KIF14: variants seen among roughly 807,000 people sequenced by gnomAD.
KIF14 encodes the protein kinesin family member 14.
In KIF14, 98 loss-of-function variants were observed where a neutral mutation model predicts 176.2. The observed-to-expected ratio is 0.56, with a 90% CI of 0.47 to 0.66. The LOEUF (loss-of-function observed/expected upper bound fraction) is 0.66. Ranked by LOEUF, KIF14 falls within the 30% of genes least tolerant of loss-of-function variation. The pLI is 0.00. For missense variants in KIF14, 1,751 were observed against 1,920.4 expected (o/e 0.91, Z 1.65); for synonymous variants, 566 against 632.2 (o/e 0.90, Z 1.57).
chr1:200,615,354 C>T lies in KIF14; in HGVS notation c.1367+1G>A, dbSNP rs1288356635. The T allele has an allele frequency of 3.1e-6, 5 of 1,608,108 alleles. No individual in the cohort carries two copies. Among genetic ancestry groups the T allele is most frequent in the Middle Eastern group, 1.7e-4 (1 of 6,034 alleles). ...ATAATTGCATTTCCAATACAACTTACGTATATGATTTTCCAGAGCCAGTCT... is the reference window on the plus strand; with the variant it reads ...ATAATTGCATTTCCAATACAACTTATGTATATGATTTTCCAGAGCCAGTCT... On this transcript the variant is annotated splice_donor_variant, in intron 3 of 29. Transcript: ENST00000367350. LOFTEE classifies it high-confidence loss of function.
At chr1:200,584,955 A>G (rs1658656298) in intron 19 of KIF14, among the ~76,000 whole-genome samples, 2 of 152,236 alleles carry the variant, frequency 1.3e-5, no homozygotes, top group African/African-American at 4.8e-5. Context: ...AACTCTAATA[A>G]CACCACCAAA....
chr1:200,587,406 G>A (rs1234767943), intron 18 of KIF14, among the ~76,000 whole-genome samples: 1 of 134,768 alleles, frequency 7.4e-6, no homozygotes, highest in Non-Finnish European at 1.6e-5. Flanking sequence ...AGGACAAACT[G>A]TTAAAAAAAA....
chr1:200,603,470 A>T, intron 9 of KIF14, 129 bp from the exon 10 acceptor site: 3 of 593,678 alleles, frequency 5.1e-6, no homozygotes, highest in Non-Finnish European at 6.0e-6. Context: ...TTTTTGAGAC[A>T]GAGTCTCACT....
At position 200,618,857 on chromosome 1, in the gene KIF14, A is replaced by T. The variant is rs1247441012; in HGVS notation, c.-115-19T>A. On this transcript the variant is annotated intron_variant, in intron 1 of 29. Coordinates refer to ENST00000367350, the MANE Select transcript of KIF14 (RefSeq NM_014875.3). Reference sequence around the variant, plus strand: ...TGCTAAACTAAAAGAAAAAAAAAAGATTTAGATCACACAGACTACAAACAA... The same window carrying T: ...TGCTAAACTAAAAGAAAAAAAAAAGTTTTAGATCACACAGACTACAAACAA... 1 of 697,274 alleles carries T rather than the reference A, an allele frequency of 1.4e-6. No individual in the cohort carries two copies. Among genetic ancestry groups the T allele is most frequent in the African/African-American group, 1.8e-5 (1 of 55,598 alleles). 43.2% of individuals were successfully genotyped at this position (697,274 alleles called of 1,614,324 possible). A position where few individuals can be genotyped will look rare whatever the true frequency, so the allele number is the denominator to read the frequency against.
chr1:200,589,601 G>T (rs909557956), intron 17 of KIF14, among the ~76,000 whole-genome samples: 1 of 151,518 alleles, frequency 6.6e-6, no homozygotes, highest in Non-Finnish European at 1.5e-5. Flanking sequence ...GACTCAAGCG[G>T]CTAGAGGACA....
chr1:200,592,607 C>T (rs1659112349), intron 15 of KIF14, among the ~76,000 whole-genome samples: 1 of 152,192 alleles, frequency 6.6e-6, no homozygotes, highest in Non-Finnish European at 1.5e-5. Context: ...AACTCCTGAC[C>T]TCATGATCCA....
chr1:200,598,132 T>C (rs1482255768), intron 14 of KIF14, 105 bp downstream of exon 14: 28 of 970,220 alleles, frequency 2.9e-5, no homozygotes, highest in Non-Finnish European at 3.4e-5. Flanking sequence ...GTTTGAAGAA[T>C]TCTACCAAAC....
intron 2 of KIF14, among the ~76,000 whole-genome samples, chr1:200,617,116 C>T (rs947660829): frequency 5.3e-5 from 8 of 152,066 alleles, no homozygotes; most frequent in Non-Finnish European, 1.2e-4. Context: ...TACAGGTGTG[C>T]AACACCATGC....
chr1:200,611,209 T>C (rs912595548), intron 4 of KIF14, among the ~76,000 whole-genome samples: 4 of 152,160 alleles, frequency 2.6e-5, no homozygotes, highest in East Asian at 1.9e-4. Context: ...TCTAACAGAA[T>C]TGGAAGCTTC....
intron 19 of KIF14, among the ~76,000 whole-genome samples, chr1:200,584,209 C>A (rs1359201321): frequency 1.6e-5 from 1 of 63,102 alleles, no homozygotes; most frequent in African/African-American, 6.7e-5. Flanking sequence ...ACATAAGACT[C>A]TGTTTCAAAA....
In KIF14 at chr1:200,592,165, GC is replaced by G; in HGVS notation, c.2727del (p.Arg909SerfsTer9). ...CTTATAGGAGTATCTCTTCCAGATG[GC>G]CTTTTTCCTTTCTGGACTTCTACTG... ...NHPVEVQKGK[R>X]PSGRDTPISE... On this transcript the variant is annotated frameshift_variant, in exon 16 of 30. Coordinates refer to ENST00000367350, the MANE Select transcript of KIF14 (RefSeq NM_014875.3). LOFTEE classifies it high-confidence loss of function. 1 of 1,613,150 alleles carries G rather than the reference GC, an allele frequency of 6.2e-7. No individual in the cohort carries two copies. The highest frequency in any genetic ancestry group is 8.5e-7 in the Non-Finnish European group (1 of 1,179,508).
rs1475824474 is a variant in KIF14, at chr1:200,589,346, T to A, written c.2985A>T (p.Lys995Asn). 1 of 1,609,492 alleles carries A rather than the reference T, an allele frequency of 6.2e-7. No homozygotes were observed. Among genetic ancestry groups the A allele is most frequent in the Non-Finnish European group, 8.5e-7 (1 of 1,177,524 alleles). The change falls in exon 18 of 30, where the codon AAA becomes AAT. Residue 995 changes from lysine (K) to asparagine (N), a missense_variant. Lys to Asn is a moderately conservative substitution (Grantham distance 94, BLOSUM62 0). Transcript: ENST00000367350. ...CCTTCTGGTTATTTATTTCCTGCAT[T>A]TTTTTCCTTTGAGACTCTTCTCTCT... is the stretch of plus-strand genomic sequence containing the variant. ...AELREESQRK[K>N]MQEINNQKAN... is the part of the protein sequence containing the mutation.
chr1:200,618,191 G>A lies in KIF14; in HGVS notation c.533C>T (p.Ser178Phe), dbSNP rs1459355092. 1.2e-6 allele frequency: 2 copies of A among 1,613,804 alleles called. No individual in the cohort carries two copies. Among genetic ancestry groups the A allele is most frequent in the African/African-American group, 1.3e-5 (1 of 74,918 alleles). Reference sequence around the variant, plus strand: ...CTGTGGATCTTCATCTAAAGGTACAGAAGAGGCAACAAAAGAGTTTTTAGC... The same window carrying A: ...CTGTGGATCTTCATCTAAAGGTACAAAAGAGGCAACAAAAGAGTTTTTAGC... ...NNAKNSFVAS[S>F]VPLDEDPQVI... is the part of the protein sequence containing the mutation. The change falls in exon 2 of 30, where the codon TCT (serine) becomes TTT (phenylalanine). Residue 178 changes from serine to phenylalanine, a missense_variant. Transcript: ENST00000367350.
chr1:200,589,142 C>A lies in KIF14; in HGVS notation c.3114+75G>T, dbSNP rs111616870. 1.4e-5 allele frequency: 17 copies of A among 1,234,328 alleles called. No homozygotes were observed. The African/African-American group carries it at 1.4e-4, about 10-fold the overall frequency. 76.5% of individuals were successfully genotyped at this position (1,234,328 alleles called of 1,614,324 possible). A position where few individuals can be genotyped will look rare whatever the true frequency, so the allele number is the denominator to read the frequency against. ...ATTTGGCTCTCTTCTGTCAACATAC[C>A]ATAAGCCACTTCTTTGAAAAAAAAA... On this transcript the variant is annotated intron_variant, in intron 18 of 29. Transcript: ENST00000367350.
chr1:200,555,253 C>T lies in KIF14; in HGVS notation c.4428+127G>A. ...AGACAAAGAGCTATCTTACATGCTA[C>T]AATTAGACATATACAAAAGAGTTGT... On this transcript the variant is annotated intron_variant, in intron 28 of 29. Transcript: ENST00000367350. 4.9e-6 allele frequency: 3 copies of T among 611,236 alleles called. 1 individual carries two copies. The South Asian group carries it at 6.1e-5, about 13-fold the overall frequency. 37.9% of individuals were successfully genotyped at this position (611,236 alleles called of 1,614,324 possible).
chr1:200,606,852 C>A, intron 5 of KIF14, 54 bp from the exon 6 acceptor site: 1 of 1,336,912 alleles, frequency 7.5e-7, no homozygotes. Flanking sequence ...TTTCATGTAA[C>A]TTGAAATGAT....
At chr1:200,603,424 T>G (rs1659722688) in intron 9 of KIF14, 83 bp from the exon 10 acceptor site, 2 of 699,050 alleles carry the variant, frequency 2.9e-6, no homozygotes, top group Non-Finnish European at 5.1e-6. Context: ...TCTCCCCTCA[T>G]ATAATTACTG....
In KIF14 at chr1:200,614,252, T is replaced by G. The variant is rs2808241; in HGVS notation, c.1455+66A>C. Reference sequence around the variant, plus strand: ...TAAGTATTTCCTTAGTGGCCATGACTGATTTGAACTTGATTTGACTATTTT... The same window carrying G: ...TAAGTATTTCCTTAGTGGCCATGACGGATTTGAACTTGATTTGACTATTTT... On this transcript the variant is annotated intron_variant, in intron 4 of 29. Coordinates refer to ENST00000367350, the MANE Select transcript of KIF14 (RefSeq NM_014875.3). 0.34 allele frequency: 284,649 copies of G among 836,194 alleles called. 51,161 individuals are homozygous for G. The highest frequency in any genetic ancestry group is 0.49 in the African/African-American group (28,344 of 58,314). 51.8% of individuals were successfully genotyped at this position (836,194 alleles called of 1,614,324 possible).
intron 4 of KIF14, among the ~76,000 whole-genome samples, chr1:200,611,983 T>C (rs970561269): frequency 1.3e-5 from 2 of 151,254 alleles, no homozygotes; most frequent in Admixed American, 6.6e-5. Context: ...AAATAATGTA[T>C]CTCCAAAGTC....
Sources: allele counts gnomAD v4.1 joint callset (sites outside exome capture counted in the v4.1 genomes callset), GRCh38; gene constraint gnomAD v4.1.1; transcripts MANE v1.5; gene names NCBI Gene and HGNC (gene_info 2026-07-23, HGNC 2026-07-21).